TM9SF3: variants seen among roughly 807,000 people sequenced by gnomAD.
The protein encoded by TM9SF3 is SM-11044-binding protein.
TM9SF3 carries 14 observed loss-of-function variants against 78.6 expected under a neutral mutation model. The ratio of observed to expected loss-of-function variants is 0.18; its 90% CI spans 0.12 to 0.28. TM9SF3 has a LOEUF of 0.28. Ranked by LOEUF, TM9SF3 falls within the 10% of genes least tolerant of loss-of-function variation. The pLI, the probability that TM9SF3 is intolerant of heterozygous loss-of-function variation, is 1.00. For synonymous variants in TM9SF3, 231 were observed against 241.7 expected (o/e 0.96, Z 0.41); for missense variants, 496 against 721.9 (o/e 0.69, Z 3.59).
chr10:96,548,425 A>G (rs1848126589), intron 7 of TM9SF3, among the ~76,000 whole-genome samples: 1 of 152,226 alleles, frequency 6.6e-6, no homozygotes, highest in African/African-American at 2.4e-5. Context: ...GAAATAAAAC[A>G]GTAGTATAAT....
chr10:96,562,871 C>G (rs1221632327), intron 3 of TM9SF3, among the ~76,000 whole-genome samples: 1 of 152,194 alleles, frequency 6.6e-6, no homozygotes, highest in Admixed American at 6.5e-5. Flanking sequence ...TGTTCCCCAC[C>G]CAAGCCTAAA....
At chr10:96,564,282 A>G (rs1270370831) in intron 3 of TM9SF3, among the ~76,000 whole-genome samples, 1 of 152,182 alleles carries the variant, frequency 6.6e-6, no homozygotes, top group Non-Finnish European at 1.5e-5. Context: ...AGGGAAAACA[A>G]TAGGGAAGAA....
At position 96,519,777 on chromosome 10, in the gene TM9SF3, G is replaced by GAC. The variant is rs370648153; in HGVS notation, c.*2484_*2485dup. On this transcript the variant is annotated 3_prime_UTR_variant, in exon 15 of 15. Transcript: ENST00000371142. ...TTGTGAATTACATCTTCTTTAAGAA[G>GAC]ACACACACACACGCACACACATACA... The GAC allele has an allele frequency of 2.0e-5, 3 of 151,424 alleles. No individual in the cohort carries two copies. Among genetic ancestry groups the GAC allele is most frequent in the East Asian group, 1.9e-4 (1 of 5,190 alleles). 9.4% of individuals were successfully genotyped at this position (151,424 alleles called of 1,614,324 possible). A position where few individuals can be genotyped will look rare whatever the true frequency, so the allele number is the denominator to read the frequency against.
rs1293852529 is a variant in TM9SF3 at position 96,586,871 on chromosome 10, A to ACTCCTCCTCCCGCCGCCGC, written c.-55_-37dup. ...CCTCCGGCCCGGAGCCGGCTCACCG[A>ACTCCTCCTCCCGCCGCCGC]CTCCTCCTCCCGCCGCCGCCTCCTC... On this transcript the variant is annotated 5_prime_UTR_variant, in exon 1 of 15. An upstream open reading frame in the 5' UTR loses its in-frame stop. Coordinates refer to ENST00000371142, the MANE Select transcript of TM9SF3 (RefSeq NM_020123.4). The ACTCCTCCTCCCGCCGCCGC allele has an allele frequency of 9.3e-6, 11 of 1,178,562 alleles. No homozygotes were observed. The highest frequency in any genetic ancestry group is 3.1e-6 in the Non-Finnish European group (3 of 958,242). The allele number at this position is 1,178,562 out of a possible 1,614,324, so 73.0% of individuals were successfully genotyped here.
Position 96,528,075 on chromosome 10 carries a change from A to C in TM9SF3, c.1497T>G (p.Thr499=). 1 of 1,612,952 alleles carries C rather than the reference A, an allele frequency of 6.2e-7. No homozygotes were observed. Among genetic ancestry groups the C allele is most frequent in the Non-Finnish European group, 8.5e-7 (1 of 1,179,150 alleles). The stretch of plus-strand genomic sequence containing the variant: ...TTAGTAGAAAATATGTGCACACAAT[A>C]GTCACACAGACAGTCACAATGCACA... ...VILCIVTVCV[T]IVCTYFLLNA... The change falls in exon 12 of 15, where the codon ACT becomes ACG. Residue 499 remains threonine (T), a synonymous_variant. Coordinates refer to ENST00000371142, the MANE Select transcript of TM9SF3 (RefSeq NM_020123.4).
At chr10:96,571,156 G>C (rs940460318) in intron 2 of TM9SF3, among the ~76,000 whole-genome samples, 1 of 152,176 alleles carries the variant, frequency 6.6e-6, no homozygotes, top group Non-Finnish European at 1.5e-5. Context: ...GGAGGGAACT[G>C]GTGTCACAGA....
At chr10:96,542,684 A>G (rs775623312) in intron 9 of TM9SF3, among the ~76,000 whole-genome samples, 7 of 152,142 alleles carry the variant, frequency 4.6e-5, no homozygotes, top group Non-Finnish European at 7.4e-5. Flanking sequence ...CACTCTATGT[A>G]CTTTCTGATG....
At chr10:96,563,549 T>C (rs1049390278) in intron 3 of TM9SF3, among the ~76,000 whole-genome samples, 11 of 152,158 alleles carry the variant, frequency 7.2e-5, no homozygotes, top group African/African-American at 2.7e-4. Context: ...CTAAATTTTT[T>C]GTATTTTTAG....
chr10:96,570,408 T>A (rs2134156284), intron 2 of TM9SF3, among the ~76,000 whole-genome samples: 1 of 152,192 alleles, frequency 6.6e-6, no homozygotes, highest in East Asian at 1.9e-4. Flanking sequence ...TGAACTTCTA[T>A]CACTGTTACA....
intron 10 of TM9SF3, among the ~76,000 whole-genome samples, chr10:96,530,914 C>T (rs1477846331): frequency 6.6e-6 from 1 of 152,134 alleles, no homozygotes; most frequent in Non-Finnish European, 1.5e-5. Flanking sequence ...ACTAGACTCC[C>T]ATAACTTCTT....
In TM9SF3 at chr10:96,586,754, C is replaced by A; in HGVS notation, c.82G>T (p.Ala28Ser). 7.8e-7 allele frequency: 1 copy of A among 1,277,922 alleles called. No individual in the cohort carries two copies. The highest frequency in any genetic ancestry group is 9.9e-7 in the Non-Finnish European group (1 of 1,013,612). The allele number at this position is 1,277,922 out of a possible 1,614,324, so 79.2% of individuals were successfully genotyped here. ...CTCACCGTGTGTTCGTGCTCGTCCG[C>A]CCGGGTCCGGGGCAGCAGCAGCAGC... ...LLLLLLPRTRADEHEHTYQDK... is the reference protein window; with the variant it reads ...LLLLLLPRTRSDEHEHTYQDK... The change falls in exon 1 of 15, where the codon GCG (alanine) becomes TCG (serine). Residue 28 changes from alanine to serine, a missense_variant. By Grantham distance (99) the Ala-to-Ser change is moderately conservative (BLOSUM62 1). This residue lies in a region of TM9SF3 where 155 missense variants were observed against 241.6 expected (regional missense o/e 0.64). Coordinates refer to ENST00000371142, the MANE Select transcript of TM9SF3 (RefSeq NM_020123.4).
rs764936524 is a variant in TM9SF3, at chr10:96,544,048, GTT to G, written c.1185+26_1185+27del. 6.3e-6 allele frequency: 10 copies of G among 1,591,724 alleles called. 1 individual carries two copies. The Admixed American group carries it at 1.8e-4, about 29-fold the overall frequency. On this transcript the variant is annotated intron_variant, in intron 9 of 14. Transcript: ENST00000371142. ...CAGTTAGAATGTGTATACTTTTTCA[GTT>G]TAAAAGTAAGATTCAAGCAACTCAC... is the stretch of plus-strand genomic sequence containing the variant.
At chr10:96,531,624 G>C (rs1236242079) in intron 10 of TM9SF3, among the ~76,000 whole-genome samples, 2 of 152,106 alleles carry the variant, frequency 1.3e-5, no homozygotes, top group African/African-American at 4.8e-5. Context: ...AAGACACAGA[G>C]GTTAAAAGTG....
At chr10:96,563,171 G>A (rs1848329920) in intron 3 of TM9SF3, among the ~76,000 whole-genome samples, 1 of 152,028 alleles carries the variant, frequency 6.6e-6, no homozygotes, top group Admixed American at 6.6e-5. Flanking sequence ...AAACTCCTGG[G>A]CTCAAACAAT....
chr10:96,580,560 C>A (rs1253262848), intron 1 of TM9SF3, among the ~76,000 whole-genome samples: 6 of 152,176 alleles, frequency 3.9e-5, no homozygotes, highest in African/African-American at 1.4e-4. Flanking sequence ...GCCACTGCGC[C>A]TGGCCCCACT....
chr10:96,523,768 G>C lies in TM9SF3; in HGVS notation c.1703-1438C>G, dbSNP rs540545223. ...GGAAAATTCTACAGAAATTGTTTAA[G>C]TTTTAAAAATAAACTGCAAGTGAGA... On this transcript the variant is annotated intron_variant, in intron 14 of 14. Coordinates refer to ENST00000371142, the MANE Select transcript of TM9SF3 (RefSeq NM_020123.4). Among the ~76,000 whole-genome samples the C allele has an allele frequency of 1.6e-4, 25 of 151,920 alleles. No individual in the cohort carries two copies. In the South Asian group the frequency reaches 5.2e-3, roughly 31 times the overall value.
chr10:96,524,598 G>C lies in TM9SF3; in HGVS notation c.1703-2268C>G, dbSNP rs576756352. Among the ~76,000 whole-genome samples the C allele has an allele frequency of 2.6e-4, 39 of 151,906 alleles. No homozygotes were observed. The Middle Eastern group carries it at 0.02, about 79-fold the overall frequency. ...TTACAAGGGCATGACTTTATAAAAA[G>C]AGAATACTGAATATGCCCTCTAGAA... On this transcript the variant is annotated intron_variant, in intron 14 of 14. Transcript: ENST00000371142.
chr10:96,522,753 G>A (rs1847794085), intron 14 of TM9SF3, among the ~76,000 whole-genome samples: 1 of 151,890 alleles, frequency 6.6e-6, no homozygotes, highest in African/African-American at 2.4e-5. Context: ...AGAAGTGACT[G>A]AAAATTCTCT....
chr10:96,524,136 A>G (rs1847813106), intron 14 of TM9SF3, among the ~76,000 whole-genome samples: 1 of 151,852 alleles, frequency 6.6e-6, no homozygotes, highest in South Asian at 2.1e-4. Context: ...CACTATATAT[A>G]GTATTGTCCC....
Sources: allele counts gnomAD v4.1 joint callset (sites outside exome capture counted in the v4.1 genomes callset), GRCh38; gene constraint gnomAD v4.1.1; regional missense constraint gnomAD v4.1.1; transcripts MANE v1.5; gene names NCBI Gene and HGNC (gene_info 2026-07-23, HGNC 2026-07-21).